CHST10: variants seen among roughly 807,000 people sequenced by gnomAD.
The protein encoded by CHST10 is carbohydrate sulfotransferase 10, also known as HNK-1 sulfotransferase.
Under a neutral mutation model 34.7 loss-of-function variants are expected in CHST10, and 24 were observed. The ratio of observed to expected loss-of-function variants is 0.69; its 90% CI spans 0.50 to 0.97. The LOEUF is 0.97. Ranked by LOEUF, CHST10 falls within the 50% of genes least tolerant of loss-of-function variation. The pLI, the probability that CHST10 is intolerant of heterozygous loss-of-function variation, is 0.00. For missense variants in CHST10, 402 were observed against 452.1 expected, an observed-to-expected ratio of 0.89 and a Z score of 1.00; for synonymous variants, 161 against 169.3, an observed-to-expected ratio of 0.95 and a Z score of 0.38.
chr2:100,397,958 G>A lies in CHST10; in HGVS notation c.377C>T (p.Thr126Ile). The change falls in exon 5 of 7, where the codon ACT becomes ATT. Residue 126 changes from threonine to isoleucine, a missense_variant. By Grantham distance (89) the Thr-to-Ile change is moderately conservative. Transcript: ENST00000264249. ...CCACTGGGTGTTGCCCACTTTGGGA[G>A]TCTGGCAGAAAAGAATCTTGTGCTT... Reference protein sequence around the residue: ...CDKHKILFCQTPKVGNTQWKK... With the variant: ...CDKHKILFCQIPKVGNTQWKK... 1 of 1,614,162 alleles carries A rather than the reference G, an allele frequency of 6.2e-7. No homozygotes were observed. Among genetic ancestry groups the A allele is most frequent in the Non-Finnish European group, 8.5e-7 (1 of 1,180,024 alleles).
chr2:100,413,106 C>T (rs1675915804), intron 2 of CHST10, among the ~76,000 whole-genome samples: 1 of 152,218 alleles, frequency 6.6e-6, no homozygotes, highest in Admixed American at 6.5e-5. Context: ...GGACTGCGGC[C>T]TGACATAAAG....
intron 5 of CHST10, among the ~76,000 whole-genome samples, chr2:100,397,014 C>T (rs1002476924): frequency 3.3e-5 from 5 of 152,166 alleles, no homozygotes; most frequent in South Asian, 2.1e-4. Context: ...CCAACCCCTG[C>T]GAAGGCCAAA....
intron 2 of CHST10, among the ~76,000 whole-genome samples, chr2:100,414,303 C>T (rs778520436): frequency 1.1e-4 from 16 of 152,038 alleles, no homozygotes; most frequent in Admixed American, 9.2e-4. Context: ...CATACACATA[C>T]CAGGGATCAC....
intron 2 of CHST10, among the ~76,000 whole-genome samples, chr2:100,414,574 T>A (rs1176285530): frequency 4.6e-5 from 7 of 152,192 alleles, no homozygotes; most frequent in Non-Finnish European, 1.0e-4. Context: ...GCATATGAAT[T>A]TATACTATAA....
intron 2 of CHST10, among the ~76,000 whole-genome samples, chr2:100,412,746 A>G (rs956888890): frequency 2.6e-5 from 4 of 152,196 alleles, no homozygotes; most frequent in Non-Finnish European, 5.9e-5. Flanking sequence ...CATCTAGTCA[A>G]CGAGAGTCTA....
At chr2:100,409,676 G>C (rs2104236383) in intron 2 of CHST10, among the ~76,000 whole-genome samples, 1 of 152,252 alleles carries the variant, frequency 6.6e-6, no homozygotes, top group Admixed American at 6.5e-5. Flanking sequence ...GTGTGTCAAT[G>C]AAGAGCTCTT....
chr2:100,400,780 G>C (rs1467882002), intron 4 of CHST10, among the ~76,000 whole-genome samples: 4 of 152,150 alleles, frequency 2.6e-5, no homozygotes, highest in African/African-American at 7.2e-5. Context: ...CTGGGTTCAA[G>C]AGATTCTCCT....
At chr2:100,403,984 C>G (rs1280292140) in intron 3 of CHST10, among the ~76,000 whole-genome samples, 1 of 152,184 alleles carries the variant, frequency 6.6e-6, no homozygotes, top group Non-Finnish European at 1.5e-5. Flanking sequence ...CTCTCTGACG[C>G]CTGCAGGGGC....
chr2:100,398,392 G>A (rs540933294), intron 4 of CHST10, among the ~76,000 whole-genome samples: 2 of 151,750 alleles, frequency 1.3e-5, no homozygotes, highest in Admixed American at 1.3e-4. Flanking sequence ...TCAGATCTTT[G>A]GAGAGAAGTT....
intron 2 of CHST10, chr2:100,408,643 T>C (rs1675686999): frequency 1.3e-5 from 2 of 152,012 alleles, no homozygotes; most frequent in African/African-American, 2.4e-5. Context: ...TTGCCAGAAA[T>C]TAATGCGACA....
At chr2:100,394,525 G>T (rs898607753) in intron 6 of CHST10, among the ~76,000 whole-genome samples, 2 of 152,166 alleles carry the variant, frequency 1.3e-5, no homozygotes. Context: ...CTCTGGTAAG[G>T]GTTGTAAGGA....
At chr2:100,408,219 T>G (rs934954402) in intron 2 of CHST10, 2 of 151,952 alleles carry the variant, frequency 1.3e-5, no homozygotes, top group Non-Finnish European at 2.9e-5. Flanking sequence ...GAACTTCACA[T>G]TTAACCGAGT....
At chr2:100,400,416 T>A (rs1009909261) in intron 4 of CHST10, among the ~76,000 whole-genome samples, 3 of 152,112 alleles carry the variant, frequency 2.0e-5, no homozygotes, top group African/African-American at 7.2e-5. Context: ...ATTTTTGTAT[T>A]TTGTGTAGAG....
At chr2:100,393,833 G>A (rs1674920344) in intron 6 of CHST10, 51 bp from the exon 7 acceptor site, 3 of 1,466,322 alleles carry the variant, frequency 2.0e-6, no homozygotes, top group African/African-American at 2.8e-5. Flanking sequence ...GGAGGTCACA[G>A]CTGAGGGGGC....
chr2:100,417,633 G>A lies in CHST10; in HGVS notation c.-363C>T, dbSNP rs923420498. The A allele has an allele frequency of 2.0e-5, 3 of 150,850 alleles. No individual in the cohort carries two copies. The highest frequency in any genetic ancestry group is 4.4e-5 in the Non-Finnish European group (3 of 67,600). 9.3% of individuals were successfully genotyped at this position (150,850 alleles called of 1,614,324 possible). A position where few individuals can be genotyped will look rare whatever the true frequency, so the allele number is the denominator to read the frequency against. On this transcript the variant is annotated 5_prime_UTR_variant, in exon 1 of 7. Coordinates refer to ENST00000264249, the MANE Select transcript of CHST10 (RefSeq NM_004854.5). ...CCAGAACGCCGGCACCGCCTCACGC[G>A]GCCCCCTCGCGCCTATCCGGCCGTG...
At chr2:100,396,562 C>T (rs1204679305) in intron 5 of CHST10, among the ~76,000 whole-genome samples, 2 of 152,102 alleles carry the variant, frequency 1.3e-5, no homozygotes, top group East Asian at 1.9e-4. Flanking sequence ...ATTCCTCCCC[C>T]GAGTGTTTAA....
intron 5 of CHST10, 141 bp from the exon 6 acceptor site, chr2:100,395,755 G>A: frequency 1.8e-6 from 1 of 554,774 alleles, no homozygotes; most frequent in East Asian, 2.9e-5. Flanking sequence ...TCCAAGTTTA[G>A]GTCTTTGAAT....
intron 1 of CHST10, 147 bp downstream of exon 1, chr2:100,417,227 C>G: frequency 2.4e-6 from 1 of 423,896 alleles, no homozygotes; most frequent in Non-Finnish European, 4.5e-6. Context: ...CTCCCGCGAA[C>G]TAGGGAGGTC....
Position 100,395,794 on chromosome 2 carries a change from G to A in CHST10, c.428-180C>T, listed in dbSNP as rs576649055. ...AACTGCTTCTGCCAGCAGGATGAACGAGTGAAGAAAAGCTTCTGGGAATCC... is the reference window on the plus strand; with the variant it reads ...AACTGCTTCTGCCAGCAGGATGAACAAGTGAAGAAAAGCTTCTGGGAATCC... On this transcript the variant is annotated intron_variant, in intron 5 of 6. Coordinates refer to ENST00000264249, the MANE Select transcript of CHST10 (RefSeq NM_004854.5). Among the ~76,000 whole-genome samples, 23 of 152,248 alleles carry A rather than the reference G, an allele frequency of 1.5e-4. No homozygotes were observed. In the South Asian group the frequency reaches 4.4e-3, roughly 29 times the overall value.
Sources: gnomAD v4.1 joint callset for allele counts (sites outside exome capture counted in the v4.1 genomes callset) on GRCh38, gnomAD v4.1.1 for gene constraint, MANE v1.5 for transcripts, NCBI Gene and HGNC (gene_info 2026-07-23, HGNC 2026-07-21) for gene names.